CORO2B: variants seen among roughly 807,000 people sequenced by gnomAD.
CORO2B encodes coronin 2B, also known as coronin-2B.
In CORO2B, 26 loss-of-function variants were observed where a neutral mutation model predicts 58.8. That is an observed-to-expected ratio of 0.44 (90% CI 0.32 to 0.61). CORO2B has a LOEUF of 0.61. Ranked by LOEUF, CORO2B falls within the 20% of genes least tolerant of loss-of-function variation. The pLI, the probability that CORO2B is intolerant of heterozygous loss-of-function variation, is 0.04. For missense variants in CORO2B, 460 were observed against 645.1 expected, an observed-to-expected ratio of 0.71 and a Z score of 3.11; for synonymous variants, 242 against 253.8, an observed-to-expected ratio of 0.95 and a Z score of 0.44.
chr15:68,662,030 T>TAAATAAATA (rs60007308), intron 2 of CORO2B, among the ~76,000 whole-genome samples: 80 of 147,150 alleles, frequency 5.4e-4, no homozygotes, highest in African/African-American at 1.9e-3. Context: ...ATAAATAAAT[T>TAAATAAATA]AATTAATTAA....
At chr15:68,671,380 A>G (rs1902390047) in intron 2 of CORO2B, among the ~76,000 whole-genome samples, 1 of 152,168 alleles carries the variant, frequency 6.6e-6, no homozygotes, top group Non-Finnish European at 1.5e-5. Flanking sequence ...GTAGACCCAC[A>G]TATGAGCCAA....
intron 1 of CORO2B, among the ~76,000 whole-genome samples, chr15:68,633,289 T>G (rs567067507): frequency 3.3e-5 from 5 of 152,254 alleles, no homozygotes; most frequent in South Asian, 2.1e-4. Context: ...CTTTCCTTGC[T>G]GGGTCCTAAA....
chr15:68,565,435 T>C, the CORO2B span, among the ~76,000 whole-genome samples: 1 of 151,674 alleles, frequency 6.6e-6, no homozygotes, highest in Admixed American at 6.6e-5. Context: ...CTCCCCTAAC[T>C]CTGACTCATT....
chr15:68,588,417 G>A (rs899723451), intron 1 of CORO2B, among the ~76,000 whole-genome samples: 1 of 152,238 alleles, frequency 6.6e-6, no homozygotes, highest in Non-Finnish European at 1.5e-5. Context: ...CTATAAAAAT[G>A]TGGTGTCCTG....
intron 1 of CORO2B, among the ~76,000 whole-genome samples, chr15:68,621,793 G>T (rs1385180237): frequency 8.0e-5 from 12 of 150,498 alleles, no homozygotes; most frequent in African/African-American, 1.2e-4. Flanking sequence ...TTGAGACAGG[G>T]TCTCCTAGGC....
At chr15:68,599,294 T>G (rs1899915557) in intron 1 of CORO2B, among the ~76,000 whole-genome samples, 1 of 152,210 alleles carries the variant, frequency 6.6e-6, no homozygotes, top group Non-Finnish European at 1.5e-5. Flanking sequence ...TCTGAACATG[T>G]CTTGTCTCTC....
At chr15:68,619,304 A>G (rs1331824379) in intron 1 of CORO2B, among the ~76,000 whole-genome samples, 1 of 152,134 alleles carries the variant, frequency 6.6e-6, no homozygotes, top group Non-Finnish European at 1.5e-5. Context: ...GAATTTTATC[A>G]CTTAGATTTT....
intron 1 of CORO2B, among the ~76,000 whole-genome samples, chr15:68,636,065 G>A (rs1238118986): frequency 6.6e-6 from 1 of 152,226 alleles, no homozygotes; most frequent in Non-Finnish European, 1.5e-5. Context: ...GACAAACCCA[G>A]ACGCATCTGG....
chr15:68,527,098 C>T, the CORO2B span, among the ~76,000 whole-genome samples: 1,394 of 152,308 alleles, frequency 9.2e-3, 31 homozygotes, highest in African/African-American at 0.03. Flanking sequence ...GAAACCAAAC[C>T]TGCCAGCCCC....
At chr15:68,649,854 A>C (rs1350679758) in intron 2 of CORO2B, among the ~76,000 whole-genome samples, 1 of 152,178 alleles carries the variant, frequency 6.6e-6, no homozygotes, top group Non-Finnish European at 1.5e-5. Flanking sequence ...CACATTATGC[A>C]GCCTTTGGAA....
At chr15:68,722,706 C>G (rs1893191161) in intron 11 of CORO2B, among the ~76,000 whole-genome samples, 1 of 152,208 alleles carries the variant, frequency 6.6e-6, no homozygotes, top group Non-Finnish European at 1.5e-5. Flanking sequence ...ACAGATGTAA[C>G]TGGGACTGGT....
chr15:68,554,803 T>C, the CORO2B span, among the ~76,000 whole-genome samples: 3 of 152,144 alleles, frequency 2.0e-5, no homozygotes, highest in African/African-American at 7.2e-5. Context: ...CAGGGCTCCT[T>C]CCCAGAGAGT....
the CORO2B span, among the ~76,000 whole-genome samples, chr15:68,563,215 C>T: frequency 1.3e-5 from 2 of 151,762 alleles, no homozygotes; most frequent in African/African-American, 4.8e-5. Context: ...TGGCCAGGCA[C>T]CATGGCTCAC....
At chr15:68,670,246 C>G (rs1902344536) in intron 2 of CORO2B, among the ~76,000 whole-genome samples, 1 of 152,074 alleles carries the variant, frequency 6.6e-6, no homozygotes, top group South Asian at 2.1e-4. Flanking sequence ...GTGATATTAG[C>G]TCACTGCAAC....
At chr15:68,648,099 G>A (rs1595988283) in intron 2 of CORO2B, among the ~76,000 whole-genome samples, 1 of 150,414 alleles carries the variant, frequency 6.6e-6, no homozygotes, top group African/African-American at 2.4e-5. Context: ...TTGGGAGGCC[G>A]AGGTGGGTGG....
At chr15:68,650,396 A>G in intron 2 of CORO2B, among the ~76,000 whole-genome samples, 1 of 117,510 alleles carries the variant, frequency 8.5e-6, no homozygotes, top group African/African-American at 3.2e-5. Flanking sequence ...AAAAAAAAAA[A>G]AAAAAAAAAA....
the CORO2B span, among the ~76,000 whole-genome samples, chr15:68,531,113 A>G: frequency 6.6e-6 from 1 of 152,124 alleles, no homozygotes; most frequent in Non-Finnish European, 1.5e-5. Flanking sequence ...CCCTTACAAC[A>G]CTATACTCTC....
At chr15:68,602,450 C>CACACACACG (rs3084695) in intron 1 of CORO2B, among the ~76,000 whole-genome samples, 1 of 150,310 alleles carries the variant, frequency 6.7e-6, no homozygotes. Context: ...CACACACACA[C>CACACACACG]GTTTTACCTA....
At chr15:68,678,111 C>T (rs980427222) in intron 2 of CORO2B, among the ~76,000 whole-genome samples, 5 of 152,290 alleles carry the variant, frequency 3.3e-5, no homozygotes, top group African/African-American at 1.2e-4. Context: ...ACTTGACTTT[C>T]CCCCCAGATG....
Sources: gnomAD v4.1 joint callset for allele counts (sites outside exome capture counted in the v4.1 genomes callset) on GRCh38, gnomAD v4.1.1 for gene constraint, MANE v1.5 for transcripts, NCBI Gene and HGNC (gene_info 2026-07-23, HGNC 2026-07-21) for gene names.